Variants in GARNL3 observed in about 807,000 individuals in gnomAD.
The protein encoded by GARNL3 is GTPase activating Rap/RanGAP domain like 3.
GARNL3 carries 63 observed loss-of-function variants against 125.0 expected under a neutral mutation model. The ratio of observed to expected loss-of-function variants is 0.50; its 90% CI spans 0.41 to 0.62. The LOEUF is 0.62. Ranked by LOEUF, GARNL3 falls within the 20% of genes least tolerant of loss-of-function variation. The pLI, the probability that GARNL3 is intolerant of heterozygous loss-of-function variation, is 0.00. For missense variants in GARNL3, 994 were observed against 1,244.0 expected (o/e 0.80, Z 3.02); for synonymous variants, 439 against 457.5 (o/e 0.96, Z 0.52).
rs775275498 is a variant in GARNL3 at position 127,384,199 on chromosome 9, G to C, written c.2269+654G>C. 2.0e-5 allele frequency among the ~76,000 whole-genome samples: 3 copies of C among 152,188 alleles called. No individual in the cohort carries two copies. The highest frequency in any genetic ancestry group is 4.4e-5 in the Non-Finnish European group (3 of 68,028). On this transcript the variant is annotated intron_variant, in intron 23 of 27. Transcript: ENST00000373387. The surrounding 1 kb of genome is among the most constrained non-coding windows in gnomAD (Gnocchi z 4.0). ...GGAGGACCAGTTAGACTTGATGACA[G>C]ATTAGATCTGGTAGACAGGAAAGGG... is the stretch of plus-strand genomic sequence containing the variant.
At chr9:127,237,788 A>G (rs2063138994) in intron 1 of GARNL3, among the ~76,000 whole-genome samples, 1 of 152,284 alleles carries the variant, frequency 6.6e-6, no homozygotes, top group Non-Finnish European at 1.5e-5. Flanking sequence ...TAGTTTCAGC[A>G]CAAATGGAAG....
Position 127,332,237 on chromosome 9 carries a change from T to C in GARNL3, c.595-37T>C, listed in dbSNP as rs372975046. On this transcript the variant is annotated intron_variant, in intron 7 of 27. Transcript: ENST00000373387. Reference sequence around the variant, plus strand: ...CTCAAAACTATATACGCTGTGATGATAAAATTAACTGTAACACCTTTTGTT... The same window carrying C: ...CTCAAAACTATATACGCTGTGATGACAAAATTAACTGTAACACCTTTTGTT... The C allele has an allele frequency of 5.1e-5, 77 of 1,507,748 alleles. No homozygotes were observed. The African/African-American group carries it at 9.2e-4, about 18-fold the overall frequency. 93.4% of individuals were successfully genotyped at this position (1,507,748 alleles called of 1,614,324 possible).
rs1264412953 is a variant in GARNL3 at position 127,338,179 on chromosome 9, C to T, written c.1028+18C>T. Reference sequence around the variant, plus strand: ...AATTACAGGTAGGTAATGACTTTGTCTCGATTGCTTGTCCTAATTCTCATG... The same window carrying T: ...AATTACAGGTAGGTAATGACTTTGTTTCGATTGCTTGTCCTAATTCTCATG... On this transcript the variant is annotated intron_variant, in intron 12 of 27. Coordinates refer to ENST00000373387, the MANE Select transcript of GARNL3 (RefSeq NM_032293.5). 6.3e-7 allele frequency: 1 copy of T among 1,581,168 alleles called. No individual in the cohort carries two copies. Among genetic ancestry groups the T allele is most frequent in the Non-Finnish European group, 8.7e-7 (1 of 1,150,120 alleles).
chr9:127,325,177 C>A, intron 7 of GARNL3, 82 bp downstream of exon 7: 1 of 1,394,072 alleles, frequency 7.2e-7, no homozygotes, highest in Non-Finnish European at 1.0e-6. Flanking sequence ...TGAACCCAGC[C>A]TTTGCTTTCA....
At chr9:127,344,801 C>T (rs899211402) in intron 15 of GARNL3, among the ~76,000 whole-genome samples, 1 of 152,154 alleles carries the variant, frequency 6.6e-6, no homozygotes, top group African/African-American at 2.4e-5. Flanking sequence ...AGGTGGTGCC[C>T]AGTCATCCCC....
chr9:127,353,264 T>C (rs752078576), intron 17 of GARNL3, among the ~76,000 whole-genome samples: 2 of 152,190 alleles, frequency 1.3e-5, no homozygotes, highest in Non-Finnish European at 2.9e-5. Context: ...AAAAAGGAGA[T>C]TTCCTATTCC....
intron 7 of GARNL3, among the ~76,000 whole-genome samples, chr9:127,331,056 A>G (rs1016735337): frequency 1.3e-5 from 2 of 152,196 alleles, no homozygotes; most frequent in African/African-American, 4.8e-5. Flanking sequence ...TTAATTGACC[A>G]CCAAGAATTT....
intron 2 of GARNL3, among the ~76,000 whole-genome samples, chr9:127,252,459 T>C (rs2063422430): frequency 1.3e-5 from 2 of 152,242 alleles, no homozygotes; most frequent in Non-Finnish European, 2.9e-5. Context: ...TACGTCTTTT[T>C]TCATTAAATC....
chr9:127,337,389 G>A (rs547462128), intron 11 of GARNL3, among the ~76,000 whole-genome samples: 121 of 152,252 alleles, frequency 7.9e-4, no homozygotes, highest in African/African-American at 2.8e-3. Context: ...TGGCACATTT[G>A]TTCCTGAAAA....
intron 22 of GARNL3, among the ~76,000 whole-genome samples, chr9:127,372,723 C>G (rs1486113602): frequency 6.6e-6 from 1 of 152,186 alleles, no homozygotes. Flanking sequence ...TGCTACAGTT[C>G]AAAACTGGCT....
intron 2 of GARNL3, among the ~76,000 whole-genome samples, chr9:127,309,257 T>C (rs1274561248): frequency 1.3e-5 from 2 of 152,200 alleles, no homozygotes; most frequent in Non-Finnish European, 2.9e-5. Context: ...CACTACTTAT[T>C]ATCTCTGTAG....
At chr9:127,340,706 A>G (rs1170341977) in intron 13 of GARNL3, among the ~76,000 whole-genome samples, 4 of 151,044 alleles carry the variant, frequency 2.6e-5, no homozygotes, top group Admixed American at 1.3e-4. Context: ...ACTGAGCCCA[A>G]AGCCTCACTG....
chr9:127,282,842 T>G (rs991168073), intron 1 of GARNL3, among the ~76,000 whole-genome samples: 1 of 152,180 alleles, frequency 6.6e-6, no homozygotes, highest in Admixed American at 6.5e-5. Flanking sequence ...GCTTTTTGTT[T>G]TTGAAAAATT....
In GARNL3 at chr9:127,348,919, C is replaced by A. The variant is rs1335485463; in HGVS notation, c.1432-5C>A. The A allele has an allele frequency of 1.2e-6, 2 of 1,603,752 alleles. No homozygotes were observed. The highest frequency in any genetic ancestry group is 1.9e-4 in the Middle Eastern group (1 of 5,150). Reference sequence around the variant, plus strand: ...TTATCTTCCGATGCTTGTATTGCCTCACAGCCGTGGGAGCCCCAGTGTTTC... The same window carrying A: ...TTATCTTCCGATGCTTGTATTGCCTAACAGCCGTGGGAGCCCCAGTGTTTC... On this transcript the variant is annotated splice_polypyrimidine_tract_variant and splice_region_variant and intron_variant, in intron 16 of 27. Coordinates refer to ENST00000373387, the MANE Select transcript of GARNL3 (RefSeq NM_032293.5).
chr9:127,343,572 A>G (rs1564160184), intron 14 of GARNL3, among the ~76,000 whole-genome samples: 2 of 152,234 alleles, frequency 1.3e-5, no homozygotes, highest in South Asian at 2.1e-4. Flanking sequence ...CTCCACAAGG[A>G]TAGAGACTAT....
At chr9:127,277,693 C>G (rs867501082) in intron 1 of GARNL3, among the ~76,000 whole-genome samples, 1 of 151,982 alleles carries the variant, frequency 6.6e-6, no homozygotes, top group African/African-American at 2.4e-5. Context: ...AGCAAACGGA[C>G]CTTTACCCAC....
Position 127,266,839 on chromosome 9 carries a change from T to TG in GARNL3, c.144+1823dup, listed in dbSNP as rs2063716387. 6.6e-6 allele frequency among the ~76,000 whole-genome samples: 1 copy of TG among 152,160 alleles called. No individual in the cohort carries two copies. The highest frequency in any genetic ancestry group is 1.5e-5 in the Non-Finnish European group (1 of 68,022). On this transcript the variant is annotated intron_variant, in intron 1 of 27. Coordinates refer to ENST00000373387, the MANE Select transcript of GARNL3 (RefSeq NM_032293.5). This position sits in a 1 kb window ranked among gnomAD's most constrained non-coding sequence, Gnocchi z 4.0. The stretch of plus-strand genomic sequence containing the variant: ...GCTTTTAAACAGTGACAACATTACT[T>TG]GGGGGAGATAACATGGGTGTGAAAG...
At chr9:127,289,510 A>G (rs1564884426) in intron 1 of GARNL3, among the ~76,000 whole-genome samples, 1 of 152,246 alleles carries the variant, frequency 6.6e-6, no homozygotes, top group Non-Finnish European at 1.5e-5. Context: ...CAACATCAGC[A>G]CCGAGTGGAA....
chr9:127,224,925 G>A (rs1316951119), intron 1 of GARNL3, among the ~76,000 whole-genome samples: 14 of 140,442 alleles, frequency 1.0e-4, no homozygotes, highest in African/African-American at 3.5e-4. Flanking sequence ...CGTGGGCGGG[G>A]CGTGGGCGGG....
Sources: allele counts gnomAD v4.1 joint callset (sites outside exome capture counted in the v4.1 genomes callset), GRCh38; gene constraint gnomAD v4.1.1; non-coding constraint Gnocchi (gnomAD v3.1); transcripts MANE v1.5; gene names NCBI Gene and HGNC (gene_info 2026-07-23, HGNC 2026-07-21).